Variants in ANKRD30A observed in about 807,000 individuals in gnomAD.
ANKRD30A encodes ankyrin repeat domain 30A, also known as ankyrin repeat domain-containing protein 30A.
ANKRD30A carries 170 observed loss-of-function variants against 166.3 expected under a neutral mutation model. That is an observed-to-expected ratio of 1.02 (90% confidence interval 0.90 to 1.16). ANKRD30A has a LOEUF of 1.16. Ranked by LOEUF, ANKRD30A falls within the 50% of genes most tolerant of loss-of-function variation. ANKRD30A has a pLI of 0.00. For missense variants in ANKRD30A, 1,630 were observed against 1,518.0 expected, an observed-to-expected ratio of 1.07 and a Z score of -1.23; for synonymous variants, 564 against 508.9, an observed-to-expected ratio of 1.11 and a Z score of -1.46.
intron 29 of ANKRD30A, among the ~76,000 whole-genome samples, chr10:37,198,800 C>T (rs750217851): frequency 6.6e-6 from 1 of 152,094 alleles, no homozygotes; most frequent in African/African-American, 2.4e-5. Flanking sequence ...TATACGTACC[C>T]TTAATGATGA....
chr10:37,263,817 C>G, the ANKRD30A span, among the ~76,000 whole-genome samples: 1 of 152,136 alleles, frequency 6.6e-6, no homozygotes, highest in African/African-American at 2.4e-5. Flanking sequence ...CCCTAAGAGA[C>G]AGTGGCAATT....
At chr10:37,216,594 A>G (rs74796735) in intron 32 of ANKRD30A, among the ~76,000 whole-genome samples, 200 bp downstream of exon 32, 2,163 of 151,410 alleles carry the variant, frequency 0.014, 40 homozygotes, top group African/African-American at 0.05. Context: ...ATTTATTTAA[A>G]TCACAGTTTT....
chr10:37,193,182 T>A lies in ANKRD30A; in HGVS notation c.2542-4T>A, dbSNP rs775881987. ...TTAATTGTTTTGTTTCTAAACCCAT[T>A]TAGGCTCCCTGCAGAATGAAAGTTT... On this transcript the variant is annotated splice_region_variant and splice_polypyrimidine_tract_variant and intron_variant, in intron 26 of 35. Transcript: ENST00000361713. 1 of 1,611,990 alleles carries A rather than the reference T, an allele frequency of 6.2e-7. No individual in the cohort carries two copies. The highest frequency in any genetic ancestry group is 8.5e-7 in the Non-Finnish European group (1 of 1,179,322).
the ANKRD30A span, among the ~76,000 whole-genome samples, chr10:37,262,786 T>C: frequency 8.5e-5 from 13 of 152,128 alleles, no homozygotes; most frequent in African/African-American, 2.9e-4. Context: ...TAAAGCCTCA[T>C]TGTAAAAACA....
chr10:37,265,534 C>A, the ANKRD30A span, among the ~76,000 whole-genome samples: 32 of 152,334 alleles, frequency 2.1e-4, 1 homozygote, highest in Non-Finnish European at 3.7e-4. Flanking sequence ...GTTCTCTGGG[C>A]TCCCAGGAAC....
At chr10:37,221,510 A>G (rs1842898061) in intron 34 of ANKRD30A, among the ~76,000 whole-genome samples, 1 of 151,318 alleles carries the variant, frequency 6.6e-6, no homozygotes, top group Admixed American at 6.6e-5. Flanking sequence ...CAGTGAATCT[A>G]TAGCTGGTTA....
At chr10:37,133,014 A>G (rs1836470396) in intron 4 of ANKRD30A, among the ~76,000 whole-genome samples, 1 of 152,072 alleles carries the variant, frequency 6.6e-6, no homozygotes, top group Admixed American at 6.6e-5. Flanking sequence ...AAAAAAAAAA[A>G]GAAAAATTAA....
intron 19 of ANKRD30A, among the ~76,000 whole-genome samples, 190 bp downstream of exon 19, chr10:37,166,885 C>T (rs1782112): frequency 4.6e-5 from 7 of 151,852 alleles, no homozygotes; most frequent in East Asian, 1.9e-4. Flanking sequence ...AGTGCTGAAG[C>T]GGAGCTGAAT....
chr10:37,210,784 C>T (rs1335835746), intron 31 of ANKRD30A, among the ~76,000 whole-genome samples: 3 of 152,144 alleles, frequency 2.0e-5, no homozygotes, highest in African/African-American at 7.2e-5. Flanking sequence ...AGTATCTGTT[C>T]ATATCCTTTG....
chr10:37,227,455 T>G (rs1489358608), intron 34 of ANKRD30A, among the ~76,000 whole-genome samples: 1 of 151,982 alleles, frequency 6.6e-6, no homozygotes, highest in Non-Finnish European at 1.5e-5. Context: ...TGTGCAGGTC[T>G]GTTTTTGGAT....
rs1840700256 is a variant in ANKRD30A at position 37,192,681 on chromosome 10, C to A, written c.2513-383C>A. Reference sequence around the variant, plus strand: ...TTAACAATATGCCATAGCATTCTCCCATTAGCTTAGTCATTTATTCTGTTT... The same window carrying A: ...TTAACAATATGCCATAGCATTCTCCAATTAGCTTAGTCATTTATTCTGTTT... On this transcript the variant is annotated intron_variant, in intron 25 of 35. Transcript: ENST00000361713. 2.6e-5 allele frequency among the ~76,000 whole-genome samples: 4 copies of A among 151,982 alleles called. No individual in the cohort carries two copies. In the South Asian group the frequency reaches 8.3e-4, roughly 32 times the overall value.
intron 13 of ANKRD30A, among the ~76,000 whole-genome samples, chr10:37,157,639 C>A (rs934480615): frequency 6.6e-6 from 1 of 152,124 alleles, no homozygotes; most frequent in South Asian, 2.1e-4. Flanking sequence ...TTCCAAATTG[C>A]TGGAATTACA....
At chr10:37,152,854 G>T (rs183507057) in intron 12 of ANKRD30A, among the ~76,000 whole-genome samples, 1 of 152,092 alleles carries the variant, frequency 6.6e-6, no homozygotes, top group Non-Finnish European at 1.5e-5. Context: ...CTGCTGCCTG[G>T]TGGTAACAGC....
the ANKRD30A span, among the ~76,000 whole-genome samples, chr10:37,257,463 C>A: frequency 6.6e-6 from 1 of 151,994 alleles, no homozygotes; most frequent in African/African-American, 2.4e-5. Context: ...GTTGCTCTTG[C>A]TTCTCTAGTT....
intron 13 of ANKRD30A, among the ~76,000 whole-genome samples, chr10:37,157,883 T>G (rs182718661): frequency 3.5e-3 from 529 of 152,340 alleles, no homozygotes; most frequent in African/African-American, 0.012. Flanking sequence ...ATTGTACCTT[T>G]GAACTCTCAT....
At chr10:37,145,547 G>GT (rs1837441377) in intron 8 of ANKRD30A, among the ~76,000 whole-genome samples, 1 of 36,282 alleles carries the variant, frequency 2.8e-5, no homozygotes, top group Non-Finnish European at 7.0e-5. Context: ...TTACTGCTTG[G>GT]TAGTGAAATT....
intron 34 of ANKRD30A, among the ~76,000 whole-genome samples, chr10:37,226,428 TAA>T (rs971733864): frequency 1.1e-4 from 16 of 151,706 alleles, no homozygotes; most frequent in Admixed American, 1.3e-4. Context: ...GCAAATTGGA[TAA>T]AGAGTCAAGA....
At chr10:37,243,879 T>C in the ANKRD30A span, among the ~76,000 whole-genome samples, 1 of 151,694 alleles carries the variant, frequency 6.6e-6, no homozygotes, top group African/African-American at 2.4e-5. Context: ...GTTGTAGTGG[T>C]GGTGGGTTCC....
chr10:37,233,593 T>C (rs1843544847), downstream of ANKRD30A, among the ~76,000 whole-genome samples: 1 of 152,148 alleles, frequency 6.6e-6, no homozygotes, highest in Non-Finnish European at 1.5e-5. Flanking sequence ...CATTAGTACT[T>C]CCAAGGAGTG....
Sources: allele counts gnomAD v4.1 joint callset (sites outside exome capture counted in the v4.1 genomes callset), GRCh38; gene constraint gnomAD v4.1.1; transcripts MANE v1.5; gene names NCBI Gene and HGNC (gene_info 2026-07-23, HGNC 2026-07-21).